ACSF2: variants seen among roughly 807,000 people sequenced by gnomAD.
ACSF2 encodes medium-chain acyl-CoA ligase ACSF2, mitochondrial.
ACSF2 carries 52 observed loss-of-function variants against 79.3 expected under a neutral mutation model. The observed-to-expected ratio is 0.66, with a 90% CI of 0.53 to 0.83. ACSF2 has a LOEUF of 0.83. Among genes scored for constraint, ACSF2 ranks in the 40% least tolerant of loss-of-function variants. The pLI is 0.00. For synonymous variants in ACSF2, 283 were observed against 312.6 expected, an observed-to-expected ratio of 0.91 and a Z score of 1.00; for missense variants, 661 against 803.3, an observed-to-expected ratio of 0.82 and a Z score of 2.14.
chr17:50,474,438 A>G lies in ACSF2; in HGVS notation c.1798-64A>G. 1 of 1,578,322 alleles carries G rather than the reference A, an allele frequency of 6.3e-7. No homozygotes were observed. The highest frequency in any genetic ancestry group is 8.7e-7 in the Non-Finnish European group (1 of 1,148,200). The stretch of plus-strand genomic sequence containing the variant: ...CCTGTTTTGGCACTAAGAGCCTGAG[A>G]AACCCCTTATTCTTGGGTGAACCAA... On this transcript the variant is annotated intron_variant, in intron 15 of 15. Transcript: ENST00000300441. The surrounding 1 kb of genome is among the most constrained non-coding windows in gnomAD (Gnocchi z 4.2).
chr17:50,463,419 C>G lies in ACSF2; in HGVS notation c.913C>G (p.Leu305Val), dbSNP rs1478329953. The G allele has an allele frequency of 5.0e-6, 8 of 1,614,054 alleles. No homozygotes were observed. Among genetic ancestry groups the G allele is most frequent in the East Asian group, 4.5e-5 (2 of 44,886 alleles). ...EKTPEQLRMILPNPLYHCLGS... is the reference protein window; with the variant it reads ...EKTPEQLRMIVPNPLYHCLGS... ...GACACCAGAGCAGTTGCGGATGATC[C>G]TGCCCAACCCCCTGTACCATTGCCT... Residue 305 changes from leucine (L) to valine (V), a missense_variant, in exon 8 of 16, where the codon CTG becomes GTG. Leu to Val is a conservative substitution (Grantham distance 32). Coordinates refer to ENST00000300441, the MANE Select transcript of ACSF2 (RefSeq NM_025149.6). The surrounding 1 kb of genome is among the most constrained non-coding windows in gnomAD (Gnocchi z 4.6).
chr17:50,433,242 A>G (rs544687474), intron 1 of ACSF2, among the ~76,000 whole-genome samples: 1 of 151,734 alleles, frequency 6.6e-6, no homozygotes, highest in South Asian at 2.1e-4. Context: ...AGTAGCTGGG[A>G]TTACAGACAC....
intron 1 of ACSF2, among the ~76,000 whole-genome samples, chr17:50,435,917 G>A (rs951274645): frequency 2.6e-5 from 4 of 151,302 alleles, no homozygotes; most frequent in Non-Finnish European, 5.9e-5. Flanking sequence ...TGCACCCAGC[G>A]CTCAGTGAGT....
At chr17:50,446,313 T>A (rs1358324282) in intron 1 of ACSF2, among the ~76,000 whole-genome samples, 4 of 152,130 alleles carry the variant, frequency 2.6e-5, no homozygotes, top group Non-Finnish European at 4.4e-5. Flanking sequence ...ACACTTTTTT[T>A]TGGAGGCAAT....
chr17:50,446,015 A>G (rs145279665), intron 1 of ACSF2, among the ~76,000 whole-genome samples: 9 of 152,298 alleles, frequency 5.9e-5, no homozygotes, highest in African/African-American at 2.2e-4. Flanking sequence ...CAGGAAGGAA[A>G]AGCCTATGAC....
At chr17:50,465,418 G>T in intron 10 of ACSF2, 1 of 1,614,038 alleles carries the variant, frequency 6.2e-7, no homozygotes, top group Non-Finnish European at 8.5e-7. Context: ...CATCTGGGCG[G>T]GAGGCCTTGG....
chr17:50,468,579 A>C (rs747134958), intron 10 of ACSF2: 2 of 1,614,208 alleles, frequency 1.2e-6, no homozygotes, highest in South Asian at 2.2e-5. Flanking sequence ...AGGTGCAATG[A>C]CACGAGGTTC....
intron 10 of ACSF2, chr17:50,467,919 G>T: frequency 2.0e-6 from 2 of 1,008,754 alleles, no homozygotes; most frequent in African/African-American, 1.6e-5. Context: ...TGCTCACCTT[G>T]GAGATAGCCA....
chr17:50,474,405 G>A lies in ACSF2; in HGVS notation c.1798-97G>A. ...GGTCACCTAATCCTGGTTTGCCTGGGGACTTTCCCTGTTTTGGCACTAAGA... is the reference window on the plus strand; with the variant it reads ...GGTCACCTAATCCTGGTTTGCCTGGAGACTTTCCCTGTTTTGGCACTAAGA... On this transcript the variant is annotated intron_variant, in intron 15 of 15. Transcript: ENST00000300441. This position sits in a 1 kb window ranked among gnomAD's most constrained non-coding sequence, Gnocchi z 4.2. The A allele has an allele frequency of 1.3e-6, 2 of 1,518,164 alleles. No homozygotes were observed. The highest frequency in any genetic ancestry group is 1.1e-5 in the South Asian group (1 of 88,628). The allele number at this position is 1,518,164 out of a possible 1,614,324, so 94.0% of individuals were successfully genotyped here.
intron 10 of ACSF2, chr17:50,465,769 C>T (rs756022142): frequency 1.5e-5 from 24 of 1,613,708 alleles, no homozygotes; most frequent in Middle Eastern, 1.6e-4. Context: ...CGAGGGTCTC[C>T]AGGCTGTCGA....
At chr17:50,452,021 A>G (rs746413289) in intron 1 of ACSF2, among the ~76,000 whole-genome samples, 17 of 152,192 alleles carry the variant, frequency 1.1e-4, no homozygotes, top group Non-Finnish European at 2.4e-4. Flanking sequence ...AGAATTCTTA[A>G]AAAATAAAAT....
intron 1 of ACSF2, chr17:50,427,127 C>T: frequency 1.2e-6 from 1 of 801,636 alleles, no homozygotes; most frequent in East Asian, 2.7e-5. Context: ...GAGCCCTGTG[C>T]ACTACTGAGC....
At chr17:50,464,984 T>A in intron 10 of ACSF2, 1 of 391,016 alleles carries the variant, frequency 2.6e-6, no homozygotes, top group Non-Finnish European at 4.8e-6. Flanking sequence ...TGGGTGGAGG[T>A]GAGAAGGTCA....
intron 1 of ACSF2, among the ~76,000 whole-genome samples, chr17:50,448,881 T>A (rs975903812): frequency 1.3e-5 from 2 of 152,190 alleles, no homozygotes; most frequent in African/African-American, 4.8e-5. Context: ...CCTCCCTGCA[T>A]GTTCTTACCT....
rs751607127 is a variant in ACSF2, at chr17:50,461,703, G to A, written c.507+17G>A. On this transcript the variant is annotated intron_variant, in intron 4 of 15. Coordinates refer to ENST00000300441, the MANE Select transcript of ACSF2 (RefSeq NM_025149.6). ...CTCAAGAAGGTACAGCTCATTTGTC[G>A]GGGAGGGGCCCGGCTGGGGCCTGGC... 7 of 1,614,012 alleles carry A rather than the reference G, an allele frequency of 4.3e-6. No homozygotes were observed. In the South Asian group the frequency reaches 4.4e-5, roughly 10 times the overall value.
Position 50,439,232 on chromosome 17 carries a change from C to CCTTT in ACSF2, c.128+12843_128+12844insCTTT. 2.1e-5 allele frequency among the ~76,000 whole-genome samples: 2 copies of CCTTT among 96,464 alleles called. 1 individual carries two copies. Among genetic ancestry groups the CCTTT allele is most frequent in the Non-Finnish European group, 3.9e-5 (2 of 51,084 alleles). The allele number at this position is 96,464 out of a possible 152,430, so 63.3% of individuals were successfully genotyped here. On this transcript the variant is annotated intron_variant, in intron 1 of 15. Coordinates refer to ENST00000300441, the MANE Select transcript of ACSF2 (RefSeq NM_025149.6). ...ACGACAGGTGCATGCTACCACACAG[C>CCTTT]TTTTTTTTTTTTTTTTTTTTTTTTT...
At chr17:50,469,145 C>T in intron 10 of ACSF2, 1 of 638,218 alleles carries the variant, frequency 1.6e-6, no homozygotes, top group Non-Finnish European at 2.0e-6. Context: ...TGCCTACCGC[C>T]TTTCCCGGGG....
chr17:50,468,633 T>C (rs1037233396), intron 10 of ACSF2: 2 of 1,614,098 alleles, frequency 1.2e-6, no homozygotes, highest in African/African-American at 1.3e-5. Flanking sequence ...GGGAAGTTGT[T>C]GCGCTGTAGG....
intron 1 of ACSF2, among the ~76,000 whole-genome samples, chr17:50,453,208 A>T (rs2031782817): frequency 6.6e-6 from 1 of 152,090 alleles, no homozygotes; most frequent in Non-Finnish European, 1.5e-5. Context: ...GCATTTTTTT[A>T]AACATTTTTT....
Sources: gnomAD v4.1 joint callset for allele counts (sites outside exome capture counted in the v4.1 genomes callset) on GRCh38, gnomAD v4.1.1 for gene constraint, Gnocchi (gnomAD v3.1) non-coding constraint, MANE v1.5 for transcripts, NCBI Gene and HGNC (gene_info 2026-07-23, HGNC 2026-07-21) for gene names.